The following NAALADL2 variants were observed in gnomAD, a reference collection of about 807,000 sequenced individuals.
NAALADL2 encodes the protein inactive N-acetylated-alpha-linked acidic dipeptidase-like protein 2.
Under a neutral mutation model 87.2 loss-of-function variants are expected in NAALADL2, and 76 were observed. The ratio of observed to expected loss-of-function variants is 0.87; its 90% CI spans 0.72 to 1.05. The LOEUF is 1.05. Ranked by LOEUF, NAALADL2 falls within the 50% of genes least tolerant of loss-of-function variation. The pLI is 0.00. For synonymous variants in NAALADL2, 354 were observed against 331.0 expected (o/e 1.07, Z -0.75); for missense variants, 1,089 against 945.8 (o/e 1.15, Z -1.99).
chr3:175,033,736 C>G (rs1290484088), intron 1 of NAALADL2, among the ~76,000 whole-genome samples: 1 of 152,106 alleles, frequency 6.6e-6, no homozygotes, highest in African/African-American at 2.4e-5. Context: ...ATCACAAGCT[C>G]AATGCTTGGA....
chr3:174,789,557 A>G (rs1717212255), intron 3 of NAALADL2, among the ~76,000 whole-genome samples: 1 of 152,240 alleles, frequency 6.6e-6, no homozygotes, highest in African/African-American at 2.4e-5. Flanking sequence ...GGTGCCTTCT[A>G]GAAATGATGC....
At chr3:175,431,407 G>A (rs919698280) in intron 5 of NAALADL2, among the ~76,000 whole-genome samples, 1 of 152,000 alleles carries the variant, frequency 6.6e-6, no homozygotes, top group Non-Finnish European at 1.5e-5. Context: ...ACAGTTTATG[G>A]ATAGTATTTG....
chr3:175,790,638 A>AAAT (rs1752672836), intron 13 of NAALADL2, among the ~76,000 whole-genome samples: 1 of 151,160 alleles, frequency 6.6e-6, no homozygotes, highest in Non-Finnish European at 1.5e-5. Flanking sequence ...TTGGAGCAAG[A>AAAT]AATAGGCACT....
At chr3:175,786,594 C>T (rs1272062658) in intron 13 of NAALADL2, among the ~76,000 whole-genome samples, 1 of 152,106 alleles carries the variant, frequency 6.6e-6, no homozygotes, top group Non-Finnish European at 1.5e-5. Context: ...TCTAGTTATA[C>T]ATTCTTCTAA....
intron 5 of NAALADL2, among the ~76,000 whole-genome samples, chr3:175,378,033 A>G (rs149978714): frequency 2.7e-5 from 4 of 150,756 alleles, no homozygotes; most frequent in South Asian, 2.1e-4. Flanking sequence ...GTGCAGATAA[A>G]AGAGGGCCCT....
chr3:174,743,562 A>T (rs1396081964), intron 3 of NAALADL2, among the ~76,000 whole-genome samples: 1 of 151,876 alleles, frequency 6.6e-6, no homozygotes, highest in Non-Finnish European at 1.5e-5. Flanking sequence ...AGATGTCATT[A>T]GTTCTTTCTT....
At chr3:174,991,489 G>A (rs1746743175) in intron 1 of NAALADL2, among the ~76,000 whole-genome samples, 1 of 151,888 alleles carries the variant, frequency 6.6e-6, no homozygotes, top group Admixed American at 6.6e-5. Flanking sequence ...TTTGATATAT[G>A]TTTTATTTAA....
chr3:175,050,954 G>A (rs1755308338), intron 1 of NAALADL2, among the ~76,000 whole-genome samples: 1 of 152,144 alleles, frequency 6.6e-6, no homozygotes, highest in Admixed American at 6.5e-5. Context: ...AGAGGCATAA[G>A]AGCTGCACAC....
intron 5 of NAALADL2, among the ~76,000 whole-genome samples, chr3:175,437,738 G>A (rs912390201): frequency 6.6e-6 from 1 of 151,700 alleles, no homozygotes; most frequent in African/African-American, 2.4e-5. Flanking sequence ...GCATGGTACT[G>A]GTACCAAAAC....
intron 9 of NAALADL2, among the ~76,000 whole-genome samples, chr3:175,504,565 TTCTC>T (rs200985901): frequency 0.029 from 3,942 of 134,122 alleles, 72 homozygotes; most frequent in Non-Finnish European, 0.036. Context: ...CTCTCTCTGT[TTCTC>T]TCTCTCTCTC....
At chr3:174,572,432 A>G (rs1030529108) in intron 2 of NAALADL2, among the ~76,000 whole-genome samples, 3 of 152,230 alleles carry the variant, frequency 2.0e-5, no homozygotes, top group African/African-American at 7.2e-5. Context: ...TATAGTAAGC[A>G]TCACTGTTAA....
rs75924787 is a variant in NAALADL2 at position 174,646,807 on chromosome 3, G to T, written c.-114-90834G>T. ...AATATTTATATATTCTGTCTGCCCT[G>T]AATTCTTCATTTTAATAAAGTAACA... is the stretch of plus-strand genomic sequence containing the variant. On this transcript the variant is annotated intron_variant, in intron 2 of 3. Coordinates refer to the NAALADL2 transcript ENST00000434257. Among the ~76,000 whole-genome samples the T allele has an allele frequency of 5.0e-3, 757 of 152,110 alleles. 7 individuals are homozygous for T. Among genetic ancestry groups the T allele is most frequent in the African/African-American group, 0.016 (677 of 41,512 alleles).
chr3:175,781,688 A>AC (rs1553771796), intron 13 of NAALADL2, among the ~76,000 whole-genome samples: 1 of 151,938 alleles, frequency 6.6e-6, no homozygotes, highest in Non-Finnish European at 1.5e-5. Flanking sequence ...AGGTAAAAAA[A>AC]AATTAACATA....
intron 4 of NAALADL2, among the ~76,000 whole-genome samples, chr3:175,280,304 G>C (rs1456493107): frequency 6.6e-6 from 1 of 151,840 alleles, no homozygotes; most frequent in Non-Finnish European, 1.5e-5. Context: ...TTAAAATAAA[G>C]TCTATTTTGA....
At chr3:174,698,173 G>A (rs9850984) in intron 2 of NAALADL2, among the ~76,000 whole-genome samples, 33,693 of 151,928 alleles carry the variant, frequency 0.22, 5,520 homozygotes, top group East Asian at 0.49. Flanking sequence ...TTTCCTGGGA[G>A]GAAATCATTA....
At chr3:175,071,077 T>C (rs1401716785) in intron 1 of NAALADL2, among the ~76,000 whole-genome samples, 1 of 152,040 alleles carries the variant, frequency 6.6e-6, no homozygotes, top group Admixed American at 6.6e-5. Context: ...ACAACAGTGC[T>C]AGGAGGAAGC....
At chr3:174,830,804 C>T (rs1458146823) in intron 3 of NAALADL2, among the ~76,000 whole-genome samples, 1 of 152,096 alleles carries the variant, frequency 6.6e-6, no homozygotes, top group African/African-American at 2.4e-5. Flanking sequence ...TTGTAGTTCT[C>T]CTTGAAGAGG....
intron 11 of NAALADL2, among the ~76,000 whole-genome samples, chr3:175,669,186 G>A (rs531982892): frequency 6.6e-6 from 1 of 152,094 alleles, no homozygotes; most frequent in African/African-American, 2.4e-5. Context: ...AACAAAATAA[G>A]AGTTATTTCA....
intron 1 of NAALADL2, among the ~76,000 whole-genome samples, chr3:174,987,003 T>TA (rs1745967071): frequency 6.6e-6 from 1 of 152,140 alleles, no homozygotes; most frequent in African/African-American, 2.4e-5. Flanking sequence ...CACTTGATAA[T>TA]CTGGTTAAAA....
Sources: allele counts gnomAD v4.1 joint callset (sites outside exome capture counted in the v4.1 genomes callset), GRCh38; gene constraint gnomAD v4.1.1; transcripts MANE v1.5; gene names NCBI Gene and HGNC (gene_info 2026-07-23, HGNC 2026-07-21).